The following DNAAF5 variants were observed in gnomAD, a reference collection of about 807,000 sequenced individuals.
DNAAF5 encodes the protein HEAT repeat containing 2.
Under a neutral mutation model 75.8 loss-of-function variants are expected in DNAAF5, and 64 were observed. The observed-to-expected ratio is 0.84, with a 90% CI of 0.69 to 1.04. DNAAF5 has a LOEUF of 1.04. Among genes scored for constraint, DNAAF5 ranks in the 50% least tolerant of loss-of-function variants. The pLI, the probability that DNAAF5 is intolerant of heterozygous loss-of-function variation, is 0.00. For missense variants in DNAAF5, 1,269 were observed against 1,178.5 expected (o/e 1.08, Z -1.12); for synonymous variants, 657 against 557.2 (o/e 1.18, Z -2.52).
chr7:770,572 C>T lies in DNAAF5; in HGVS notation c.1885C>T (p.Leu629=), dbSNP rs965938560. 1.2e-6 allele frequency: 2 copies of T among 1,613,824 alleles called. No individual in the cohort carries two copies. Among genetic ancestry groups the T allele is most frequent in the African/African-American group, 1.3e-5 (1 of 74,950 alleles). ...GATGCGCCTGAAGCTGTTCTCCATC[C>T]TGTCCACCGTGCTGCTCAGAGCCAC... ...PQMRLKLFSI[L]STVLLRATDT... The change falls in exon 9 of 13, where the codon CTG becomes TTG. Residue 629 remains leucine, a synonymous_variant. Transcript: ENST00000297440.
chr7:729,720 A>G lies in DNAAF5; in HGVS notation c.653A>G (p.His218Arg), dbSNP rs750251830. 1.2e-6 allele frequency: 2 copies of G among 1,613,930 alleles called. No homozygotes were observed. The highest frequency in any genetic ancestry group is 1.1e-5 in the South Asian group (1 of 91,062). The change falls in exon 2 of 13, where the codon CAC becomes CGC. Residue 218 changes from histidine (H) to arginine (R), a missense_variant. By Grantham distance (29) the His-to-Arg change is conservative (BLOSUM62 0). Transcript: ENST00000297440. ...GGGCCCCTGATGCAGACCATCTCCCACCAGCACTGGAAGGTCCGTGTGGCC... is the reference window on the plus strand; with the variant it reads ...GGGCCCCTGATGCAGACCATCTCCCGCCAGCACTGGAAGGTCCGTGTGGCC... The part of the protein sequence containing the change: ...LIGPLMQTIS[H>R]QHWKVRVAAI...
intron 6 of DNAAF5, among the ~76,000 whole-genome samples, chr7:759,026 T>C (rs755180713): frequency 1.3e-5 from 2 of 152,004 alleles, no homozygotes; most frequent in African/African-American, 2.4e-5. Flanking sequence ...CAAGAAAGGG[T>C]GAAGGTACTC....
chr7:734,100 C>G (rs1781663374), intron 2 of DNAAF5, among the ~76,000 whole-genome samples: 1 of 152,048 alleles, frequency 6.6e-6, no homozygotes, highest in South Asian at 2.1e-4. Flanking sequence ...CTTTATTTTT[C>G]TTGTCTAATT....
chr7:784,598 G>A (rs1779090641), intron 12 of DNAAF5, among the ~76,000 whole-genome samples: 1 of 152,000 alleles, frequency 6.6e-6, no homozygotes, highest in South Asian at 2.1e-4. Flanking sequence ...ACCACCACGA[G>A]CCCCTGACAC....
At chr7:737,082 A>G (rs1176123035) in intron 2 of DNAAF5, among the ~76,000 whole-genome samples, 1 of 151,358 alleles carries the variant, frequency 6.6e-6, no homozygotes, top group South Asian at 2.1e-4. Context: ...TTTTATTTTT[A>G]TTTATTTATT....
intron 12 of DNAAF5, among the ~76,000 whole-genome samples, chr7:783,726 C>G (rs558696573): frequency 6.6e-6 from 1 of 152,338 alleles, no homozygotes; most frequent in East Asian, 1.9e-4. Context: ...CCCAGCTCCC[C>G]ACACTCCCTG....
At chr7:774,779 A>C (rs558294687) in intron 10 of DNAAF5, among the ~76,000 whole-genome samples, 1 of 152,232 alleles carries the variant, frequency 6.6e-6, no homozygotes, top group South Asian at 2.1e-4. Context: ...GTTTAGGGTT[A>C]GTGCCTCACC....
chr7:765,567 A>G lies in DNAAF5; in HGVS notation c.1783+1593A>G, dbSNP rs566842676. On this transcript the variant is annotated intron_variant, in intron 8 of 12. Transcript: ENST00000297440. ...CTTCCTCTTTGCAGAAGCATTTCTTATGGTGTTGGCGGAACTGATTGGCAG... is the reference window on the plus strand; with the variant it reads ...CTTCCTCTTTGCAGAAGCATTTCTTGTGGTGTTGGCGGAACTGATTGGCAG... Among the ~76,000 whole-genome samples the G allele has an allele frequency of 4.6e-5, 7 of 152,152 alleles. 1 individual carries two copies. The highest frequency in any genetic ancestry group is 1.7e-4 in the African/African-American group (7 of 41,498).
Position 763,830 on chromosome 7 carries a change from GC to G in DNAAF5, c.1641del (p.Met548TrpfsTer23), listed in dbSNP as rs1562391949. ...GGCACAGGAGACGATGGACTCACTG[GC>G]CATGGTGGAGGGTGTCAGCAGCTGC... is the stretch of plus-strand genomic sequence containing the variant. ...DKAQETMDSL[A>X]MVEGVSSCQD... On this transcript the variant is annotated frameshift_variant, in exon 8 of 13. Coordinates refer to ENST00000297440, the MANE Select transcript of DNAAF5 (RefSeq NM_017802.4). LOFTEE classifies it high-confidence loss of function. 6.2e-7 allele frequency: 1 copy of G among 1,613,438 alleles called. No homozygotes were observed. The highest frequency in any genetic ancestry group is 8.5e-7 in the Non-Finnish European group (1 of 1,180,028).
At position 740,476 on chromosome 7, in the gene DNAAF5, C is replaced by T. The variant is rs560505249; in HGVS notation, c.781-343C>T. ...GTTTTCATGCAGAAGACTTTGAACACGCTGCACGGCTCAGGTAGCAGCTGG... is the reference window on the plus strand; with the variant it reads ...GTTTTCATGCAGAAGACTTTGAACATGCTGCACGGCTCAGGTAGCAGCTGG... On this transcript the variant is annotated intron_variant, in intron 2 of 12. Coordinates refer to ENST00000297440, the MANE Select transcript of DNAAF5 (RefSeq NM_017802.4). 7.9e-5 allele frequency among the ~76,000 whole-genome samples: 12 copies of T among 152,334 alleles called. No homozygotes were observed. The South Asian group carries it at 1.0e-3, about 13-fold the overall frequency.
chr7:751,398 G>T (rs1353278191), intron 4 of DNAAF5, among the ~76,000 whole-genome samples: 1 of 151,410 alleles, frequency 6.6e-6, no homozygotes, highest in Non-Finnish European at 1.5e-5. Flanking sequence ...ACTTTGAGAG[G>T]CCGAGGCAGG....
chr7:731,166 GC>G (rs1781551305), intron 2 of DNAAF5, among the ~76,000 whole-genome samples: 1 of 152,150 alleles, frequency 6.6e-6, no homozygotes, highest in South Asian at 2.1e-4. Context: ...TGTGTCATGG[GC>G]CAAGTCTTAC....
intron 8 of DNAAF5, among the ~76,000 whole-genome samples, chr7:767,742 C>T (rs1005590757): frequency 2.0e-5 from 3 of 150,972 alleles, no homozygotes; most frequent in Non-Finnish European, 4.4e-5. Flanking sequence ...GCGGAGCTGG[C>T]GCTGGGAGGG....
chr7:763,721 T>G lies in DNAAF5; in HGVS notation c.1615-85T>G, dbSNP rs892181021. ...GCCCGGCCTGTGTGGTTCTTACGCG[T>G]GAGGGGGATAGTGAGTCCCAGCAGG... On this transcript the variant is annotated intron_variant, in intron 7 of 12. Coordinates refer to ENST00000297440, the MANE Select transcript of DNAAF5 (RefSeq NM_017802.4). 171 of 1,453,768 alleles carry G rather than the reference T, an allele frequency of 1.2e-4. 1 individual carries two copies. The highest frequency in any genetic ancestry group is 3.5e-4 in the Middle Eastern group (2 of 5,644). The allele number at this position is 1,453,768 out of a possible 1,614,324, so 90.1% of individuals were successfully genotyped here. A position where few individuals can be genotyped will look rare whatever the true frequency, so the allele number is the denominator to read the frequency against.
In DNAAF5 at chr7:756,933, C is replaced by T. The variant is rs756296083; in HGVS notation, c.1409C>T (p.Pro470Leu). 1.1e-5 allele frequency: 18 copies of T among 1,609,332 alleles called. No individual in the cohort carries two copies. Among genetic ancestry groups the T allele is most frequent in the Admixed American group, 8.3e-5 (5 of 60,002 alleles). ...GGTTGCCCCCGAGAAGCCCTCCAGC[C>T]GCACCTGGCAGCCATCGCCACAGAG... Reference protein sequence around the residue: ...MRGCPREALQPHLAAIATELA... With the variant: ...MRGCPREALQLHLAAIATELA... The change falls in exon 6 of 13, where the codon CCG becomes CTG. Residue 470 changes from proline to leucine, a missense_variant. Pro to Leu is a moderately conservative substitution (Grantham distance 98). Transcript: ENST00000297440.
chr7:760,133 T>C (rs1196769730), intron 6 of DNAAF5, among the ~76,000 whole-genome samples: 1 of 150,140 alleles, frequency 6.7e-6, no homozygotes, highest in Non-Finnish European at 1.5e-5. Context: ...CCGAGGGAGA[T>C]GGAGCCATGC....
chr7:727,831 C>T (rs911805364), intron 1 of DNAAF5, among the ~76,000 whole-genome samples: 9 of 149,694 alleles, frequency 6.0e-5, no homozygotes, highest in African/African-American at 2.2e-4. Flanking sequence ...CCCCCTCCAC[C>T]CCACCCGGGC....
intron 2 of DNAAF5, among the ~76,000 whole-genome samples, chr7:735,084 A>G (rs888278040): frequency 8.0e-5 from 11 of 138,032 alleles, no homozygotes; most frequent in Non-Finnish European, 1.4e-4. Flanking sequence ...AGTTGCTCAT[A>G]CTGTTGCTCA....
rs73258248 is a variant in DNAAF5 at position 763,869 on chromosome 7, C to T, written c.1678C>T (p.Arg560Cys). The T allele has an allele frequency of 5.8e-3, 9,419 of 1,613,374 alleles. 37 individuals carry two copies. The highest frequency in any genetic ancestry group is 6.7e-3 in the Non-Finnish European group (7,890 of 1,180,038). The change falls in exon 8 of 13, where the codon CGC becomes TGC. Residue 560 changes from arginine (R) to cysteine (C), a missense_variant. Transcript: ENST00000297440. ...EGVSSCQDLY[R>C]KHIGPLLERV... ...TGTCAGCAGCTGCCAGGACCTCTAC[C>T]GCAAGCACATTGGTCCCCTCCTGGA...
Sources: gnomAD v4.1 joint callset for allele counts (sites outside exome capture counted in the v4.1 genomes callset) on GRCh38, gnomAD v4.1.1 for gene constraint, MANE v1.5 for transcripts, NCBI Gene and HGNC (gene_info 2026-07-23, HGNC 2026-07-21) for gene names.